Variants in NBR1 observed in about 807,000 individuals in gnomAD.
NBR1 encodes NBR1 autophagy cargo receptor.
A neutral mutation model predicts 115.5 loss-of-function variants in NBR1; 59 were observed. That is an observed-to-expected ratio of 0.51 (90% confidence interval 0.41 to 0.63). NBR1 has a LOEUF of 0.63. NBR1 is among the 30% of genes least tolerant of loss of function. NBR1 has a pLI of 0.00. For missense variants in NBR1, 1,043 were observed against 1,150.5 expected (o/e 0.91, Z 1.35); for synonymous variants, 373 against 414.7 (o/e 0.90, Z 1.22).
chr17:43,176,284 T>C (rs1411126624), intron 2 of NBR1: 1 of 160,484 alleles, frequency 6.2e-6, no homozygotes, highest in Non-Finnish European at 1.4e-5. Flanking sequence ...ATATAACTTG[T>C]GTTTTGCAAG....
intron 1 of NBR1, 114 bp from the exon 2 acceptor site, chr17:43,175,677 A>G: frequency 1.8e-6 from 1 of 564,334 alleles, no homozygotes; most frequent in East Asian, 3.0e-5. Flanking sequence ...CTGTCTCCCA[A>G]GCCCAGCCCA....
chr17:43,199,484 C>A (rs1270613546), intron 16 of NBR1, among the ~76,000 whole-genome samples: 1 of 151,996 alleles, frequency 6.6e-6, no homozygotes, highest in Non-Finnish European at 1.5e-5. Flanking sequence ...ACACCATTCT[C>A]CTGCCTCAGC....
At position 43,171,286 on chromosome 17, in the gene NBR1, C is replaced by T. The variant is rs560108577; in HGVS notation, c.-26C>T. 7.9e-5 allele frequency: 12 copies of T among 152,846 alleles called. No homozygotes were observed. Among genetic ancestry groups the T allele is most frequent in the Admixed American group, 5.2e-4 (8 of 15,304 alleles). 9.5% of individuals were successfully genotyped at this position (152,846 alleles called of 1,614,324 possible). ...TGCATTGGCCTCCGGCAGGCGCCCCCCGGGGGCGGGAAGCTGGTAAGGAAG... is the reference window on the plus strand; with the variant it reads ...TGCATTGGCCTCCGGCAGGCGCCCCTCGGGGGCGGGAAGCTGGTAAGGAAG... On this transcript the variant is annotated 5_prime_UTR_variant, in exon 1 of 21. Coordinates refer to ENST00000590996, the MANE Select transcript of NBR1 (RefSeq NM_005899.5).
chr17:43,182,210 CCTTT>C (rs1365431809), intron 5 of NBR1, among the ~76,000 whole-genome samples: 1 of 119,186 alleles, frequency 8.4e-6, no homozygotes, highest in Non-Finnish European at 1.9e-5. Flanking sequence ...TCTGTTCTCT[CCTTT>C]TTTTTTTTTT....
chr17:43,206,678 A>G (rs779695118), intron 20 of NBR1, among the ~76,000 whole-genome samples: 5 of 151,394 alleles, frequency 3.3e-5, no homozygotes, highest in Non-Finnish European at 7.4e-5. Context: ...GGAAATCCCT[A>G]AGAGAATCCA....
intron 2 of NBR1, among the ~76,000 whole-genome samples, chr17:43,176,909 A>G (rs1451351837): frequency 6.6e-6 from 1 of 152,088 alleles, no homozygotes; most frequent in Non-Finnish European, 1.5e-5. Context: ...TGGGTAACCA[A>G]TGTTAACAGC....
At position 43,203,662 on chromosome 17, in the gene NBR1, A is replaced by C. The variant is rs2057251398; in HGVS notation, c.2622-19A>C. The C allele has an allele frequency of 6.5e-7, 1 of 1,529,028 alleles. No homozygotes were observed. Among genetic ancestry groups the C allele is most frequent in the South Asian group, 1.2e-5 (1 of 86,772 alleles). 94.7% of individuals were successfully genotyped at this position (1,529,028 alleles called of 1,614,324 possible). On this transcript the variant is annotated intron_variant, in intron 19 of 20. Coordinates refer to ENST00000590996, the MANE Select transcript of NBR1 (RefSeq NM_005899.5). ...TGATTTGTGTTTGTTTGGGGAGATA[A>C]TTTGGTTTTCCTCTGCAGGCACCAT...
chr17:43,181,769 A>G (rs35954893), intron 5 of NBR1, among the ~76,000 whole-genome samples: 48,288 of 152,010 alleles, frequency 0.32, 8,020 homozygotes, highest in South Asian at 0.49. Context: ...CGGATCACCC[A>G]AGGTCAGCAG....
intron 20 of NBR1, among the ~76,000 whole-genome samples, chr17:43,208,287 A>T (rs1287622099): frequency 6.6e-6 from 1 of 152,212 alleles, no homozygotes. Flanking sequence ...AAAGAGGTTA[A>T]TGATAAAGAT....
chr17:43,200,018 A>G (rs2057159352), intron 16 of NBR1, 149 bp from the exon 17 acceptor site: 2 of 643,770 alleles, frequency 3.1e-6, no homozygotes, highest in Non-Finnish European at 5.3e-6. Flanking sequence ...ATATGGTCAT[A>G]GTTCCAGAAC....
At chr17:43,175,113 T>TA (rs1026048865) in intron 1 of NBR1, among the ~76,000 whole-genome samples, 17 of 151,836 alleles carry the variant, frequency 1.1e-4, no homozygotes, top group East Asian at 9.7e-4. Context: ...AATAAATAAA[T>TA]AAATAAAATA....
rs115052337 is a variant in NBR1, at chr17:43,190,784, C to T, written c.863+8C>T. ...TGCTCTGGAACAAGTCAGGTAAAAC[C>T]CTCTACATGGAGATGCTTATTCTCT... On this transcript the variant is annotated splice_region_variant and intron_variant, in intron 9 of 20. Coordinates refer to ENST00000590996, the MANE Select transcript of NBR1 (RefSeq NM_005899.5). 3.6e-4 allele frequency: 563 copies of T among 1,582,790 alleles called. 2 individuals are homozygous for T. The African/African-American group carries it at 6.7e-3, about 19-fold the overall frequency.
intron 1 of NBR1, among the ~76,000 whole-genome samples, chr17:43,174,671 AGTTCATT>A (rs2056461224): frequency 6.6e-6 from 1 of 152,082 alleles, no homozygotes; most frequent in Non-Finnish European, 1.5e-5. Context: ...GACTATGGTC[AGTTCATT>A]GTTGGGGCAG....
At position 43,210,880 on chromosome 17, in the gene NBR1, T is replaced by C. The variant is rs1259998175; in HGVS notation, c.*806T>C. On this transcript the variant is annotated 3_prime_UTR_variant, in exon 21 of 21. Transcript: ENST00000590996. ...CCCGTTATTTAAAGGGAAAAGTAAA[T>C]TTAACAGTTGCCTTTTTTCTTAATG... The C allele has an allele frequency of 2.5e-5, 10 of 396,548 alleles. No individual in the cohort carries two copies. The highest frequency in any genetic ancestry group is 4.4e-5 in the Non-Finnish European group (10 of 225,444). The allele number at this position is 396,548 out of a possible 1,614,324, so 24.6% of individuals were successfully genotyped here.
At chr17:43,190,040 C>A in intron 8 of NBR1, 1 of 534,734 alleles carries the variant, frequency 1.9e-6, no homozygotes, top group Non-Finnish European at 3.4e-6. Flanking sequence ...TTATGTTCCC[C>A]TGAACGGACA....
chr17:43,207,584 C>T (rs796293692), intron 20 of NBR1, among the ~76,000 whole-genome samples: 27 of 152,286 alleles, frequency 1.8e-4, no homozygotes, highest in African/African-American at 6.5e-4. Flanking sequence ...GCAACTAACT[C>T]CTGGCCTCAA....
At chr17:43,182,272 C>T (rs1404192336) in intron 5 of NBR1, among the ~76,000 whole-genome samples, 3 of 125,084 alleles carry the variant, frequency 2.4e-5, no homozygotes, top group South Asian at 2.6e-4. Flanking sequence ...GGCTGGAGTG[C>T]GGTGGCGCAA....
Position 43,179,390 on chromosome 17 carries a change from A to G in NBR1, c.166-4A>G, listed in dbSNP as rs368128071. The G allele has an allele frequency of 2.5e-6, 4 of 1,612,542 alleles. No individual in the cohort carries two copies. The highest frequency in any genetic ancestry group is 3.4e-6 in the Non-Finnish European group (4 of 1,178,960). ...ATTCACTGTTGCTTTTTTTCCTTTT[A>G]TAGGTATCCATCAACAGTCAAGGTG... On this transcript the variant is annotated splice_polypyrimidine_tract_variant and splice_region_variant and intron_variant, in intron 3 of 20. Transcript: ENST00000590996.
At chr17:43,196,839 G>A in intron 15 of NBR1, 103 bp from the exon 16 acceptor site, 1 of 1,311,234 alleles carries the variant, frequency 7.6e-7, no homozygotes, top group Non-Finnish European at 1.1e-6. Context: ...ACAAAGTTTA[G>A]ATAGCAGCTA....
Sources: allele counts gnomAD v4.1 joint callset (sites outside exome capture counted in the v4.1 genomes callset), GRCh38; gene constraint gnomAD v4.1.1; transcripts MANE v1.5; gene names NCBI Gene and HGNC (gene_info 2026-07-23, HGNC 2026-07-21).